Variants in GARRE1 observed in about 807,000 individuals in gnomAD.
The protein encoded by GARRE1 is granule associated Rac and RHOG effector protein 1.
Under a neutral mutation model 103.2 loss-of-function variants are expected in GARRE1, and 49 were observed. The observed-to-expected ratio is 0.47, with a 90% CI of 0.38 to 0.60. The LOEUF is 0.60. Among genes scored for constraint, GARRE1 ranks in the 20% least tolerant of loss-of-function variants. The pLI is 0.00. For missense variants in GARRE1, 1,199 were observed against 1,370.5 expected, an observed-to-expected ratio of 0.87 and a Z score of 1.98; for synonymous variants, 505 against 532.8, an observed-to-expected ratio of 0.95 and a Z score of 0.72.
intron 10 of GARRE1, among the ~76,000 whole-genome samples, chr19:34,347,164 C>T (rs2074215263): frequency 6.6e-6 from 1 of 151,960 alleles, no homozygotes; most frequent in Non-Finnish European, 1.5e-5. Context: ...TCTCAGCTCA[C>T]TGCGACCTCT....
chr19:34,274,842 A>T (rs768911743), intron 1 of GARRE1, among the ~76,000 whole-genome samples: 4 of 152,206 alleles, frequency 2.6e-5, no homozygotes, highest in Non-Finnish European at 4.4e-5. Flanking sequence ...GTGGTAACAG[A>T]TAGAGGGAGC....
chr19:34,329,727 T>C (rs1435586387), intron 6 of GARRE1, among the ~76,000 whole-genome samples: 1 of 151,842 alleles, frequency 6.6e-6, no homozygotes, highest in Admixed American at 6.6e-5. Flanking sequence ...TCCTAGCTAC[T>C]CAGGAGGCTG....
At position 34,352,700 on chromosome 19, in the gene GARRE1, G is replaced by A. The variant is rs558455019; in HGVS notation, c.2958G>A (p.Pro986=). The A allele has an allele frequency of 2.4e-5, 39 of 1,613,704 alleles. No homozygotes were observed. Among genetic ancestry groups the A allele is most frequent in the Non-Finnish European group, 2.3e-5 (27 of 1,179,750 alleles). ...PPKAPWQHPS[P]LPSTLPSPSA... is the part of the protein sequence containing the mutation. ...AAGCACCCTGGCAGCACCCTTCCCC[G>A]CTTCCCAGCACGCTGCCCAGCCCCA... Residue 986 remains proline (P), a synonymous_variant, in exon 14 of 14, where the codon CCG becomes CCA. Transcript: ENST00000299505.
intron 1 of GARRE1, among the ~76,000 whole-genome samples, chr19:34,290,392 C>T (rs1458947264): frequency 6.6e-6 from 1 of 151,994 alleles, no homozygotes; most frequent in Non-Finnish European, 1.5e-5. Context: ...ATTTAATATT[C>T]CTAATGTACC....
intron 1 of GARRE1, among the ~76,000 whole-genome samples, chr19:34,255,537 TAATC>T (rs1476424574): frequency 2.6e-5 from 4 of 152,214 alleles, no homozygotes; most frequent in Non-Finnish European, 2.9e-5. Flanking sequence ...ATTTTGGTGA[TAATC>T]AATAAATACA....
intron 1 of GARRE1, among the ~76,000 whole-genome samples, chr19:34,260,094 C>T (rs1599743509): frequency 6.6e-6 from 1 of 152,216 alleles, no homozygotes; most frequent in East Asian, 1.9e-4. Flanking sequence ...TGAGAACAGA[C>T]TAATAAACCT....
chr19:34,344,457 G>A (rs566075991), intron 10 of GARRE1, among the ~76,000 whole-genome samples: 3 of 151,156 alleles, frequency 2.0e-5, no homozygotes, highest in East Asian at 2.0e-4. Flanking sequence ...CGGGCGTAGT[G>A]GCGGGCGCCT....
At chr19:34,278,657 A>T (rs1052586069) in intron 1 of GARRE1, among the ~76,000 whole-genome samples, 1 of 151,766 alleles carries the variant, frequency 6.6e-6, no homozygotes, top group Non-Finnish European at 1.5e-5. Flanking sequence ...ATGTTGGAGC[A>T]TGTTATTAGA....
At chr19:34,341,305 G>C (rs1024896466) in intron 9 of GARRE1, 117 bp from the exon 10 acceptor site, 38 of 816,348 alleles carry the variant, frequency 4.7e-5, no homozygotes, top group Middle Eastern at 7.3e-4. Flanking sequence ...AAGTGAACCC[G>C]ATACCAACCT....
At chr19:34,316,090 C>G (rs1183614359) in intron 2 of GARRE1, among the ~76,000 whole-genome samples, 1 of 152,178 alleles carries the variant, frequency 6.6e-6, no homozygotes, top group East Asian at 1.9e-4. Flanking sequence ...CGGAGTCAAA[C>G]AGACCTGGTG....
chr19:34,317,236 T>G (rs1333310677), intron 2 of GARRE1, among the ~76,000 whole-genome samples: 2 of 152,256 alleles, frequency 1.3e-5, no homozygotes, highest in Non-Finnish European at 1.5e-5. Flanking sequence ...GTCTTCCCCA[T>G]TAGAATGTCG....
chr19:34,275,887 G>A (rs1278935059), intron 1 of GARRE1, among the ~76,000 whole-genome samples: 2 of 152,112 alleles, frequency 1.3e-5, no homozygotes, highest in Admixed American at 1.3e-4. Context: ...GTCAACACTT[G>A]TTATTGTCTG....
At position 34,352,674 on chromosome 19, in the gene GARRE1, A is replaced by G; in HGVS notation, c.2932A>G (p.Lys978Glu). 6.2e-7 allele frequency: 1 copy of G among 1,611,522 alleles called. No individual in the cohort carries two copies. The highest frequency in any genetic ancestry group is 1.1e-5 in the South Asian group (1 of 91,034). The part of the protein sequence containing the change: ...QDNKTKTWPP[K>E]APWQHPSPLP... ...TAACAAAACCAAAACGTGGCCACCC[A>G]AAGCACCCTGGCAGCACCCTTCCCC... is the stretch of plus-strand genomic sequence containing the variant. The change falls in exon 14 of 14, where the codon AAA becomes GAA. Residue 978 changes from lysine to glutamate, a missense_variant. Coordinates refer to ENST00000299505, the MANE Select transcript of GARRE1 (RefSeq NM_014686.5).
chr19:34,314,750 T>G (rs2145254884), intron 2 of GARRE1, among the ~76,000 whole-genome samples: 1 of 152,332 alleles, frequency 6.6e-6, no homozygotes, highest in Admixed American at 6.5e-5. Context: ...TTTGTTGTTC[T>G]TTAGTTAGTT....
chr19:34,307,390 C>G (rs1452444264), intron 2 of GARRE1, among the ~76,000 whole-genome samples: 1 of 151,930 alleles, frequency 6.6e-6, no homozygotes, highest in African/African-American at 2.4e-5. Flanking sequence ...TCCAGGAACC[C>G]AGGGCAGCCA....
chr19:34,352,824 G>T lies in GARRE1; in HGVS notation c.3082G>T (p.Ala1028Ser), dbSNP rs144930090. 379 of 1,612,772 alleles carry T rather than the reference G, an allele frequency of 2.3e-4. 2 individuals carry two copies. In the African/African-American group the frequency reaches 4.5e-3, roughly 19 times the overall value. Residue 1028 changes from alanine to serine, a missense_variant, in exon 14 of 14, where the codon GCC becomes TCC. By Grantham distance (99) the Ala-to-Ser change is moderately conservative. Transcript: ENST00000299505. Reference sequence around the variant, plus strand: ...GTGGGCCGCAACCAACGACTGCAGTGCCGCTGCCTTCTCCTATGTGCAGAC... The same window carrying T: ...GTGGGCCGCAACCAACGACTGCAGTTCCGCTGCCTTCTCCTATGTGCAGAC... ...PVWAATNDCS[A>S]AAFSYVQTPP...
intron 13 of GARRE1, 54 bp downstream of exon 13, chr19:34,351,646 T>G: frequency 8.0e-7 from 1 of 1,250,328 alleles, no homozygotes; most frequent in Non-Finnish European, 1.2e-6. Flanking sequence ...ACAGCTGCAG[T>G]TTTCAGAGGG....
intron 9 of GARRE1, 132 bp from the exon 10 acceptor site, chr19:34,341,289 TA>T: frequency 1.4e-6 from 1 of 709,118 alleles, no homozygotes; most frequent in Non-Finnish European, 2.4e-6. Flanking sequence ...CATTTATATA[TA>T]AAATAAGTGA....
chr19:34,346,679 C>T (rs546769372), intron 10 of GARRE1, among the ~76,000 whole-genome samples: 5 of 152,286 alleles, frequency 3.3e-5, no homozygotes, highest in African/African-American at 9.6e-5. Context: ...TGCAATAGCG[C>T]GATCTTGGCT....
Sources: allele counts gnomAD v4.1 joint callset (sites outside exome capture counted in the v4.1 genomes callset), GRCh38; gene constraint gnomAD v4.1.1; transcripts MANE v1.5; gene names NCBI Gene and HGNC (gene_info 2026-07-23, HGNC 2026-07-21).